Variants in FAM227B observed in about 807,000 individuals in gnomAD.
FAM227B encodes the protein family with sequence similarity 227 member B, also known as protein FAM227B.
In FAM227B, 88 loss-of-function variants were observed where a neutral mutation model predicts 73.8. The ratio of observed to expected loss-of-function variants is 1.19; its 90% CI spans 1.00 to 1.42. The LOEUF (loss-of-function observed/expected upper bound fraction) is 1.42, where lower values mean the gene tolerates loss of function less well. FAM227B is among the 40% of genes most tolerant of loss of function. The probability of loss-of-function intolerance (pLI) is 0.00; values close to 1 mark genes in which losing one functional copy is unlikely to be tolerated. For missense variants in FAM227B, 632 were observed against 590.9 expected (o/e 1.07, Z -0.72); for synonymous variants, 210 against 190.5 (o/e 1.10, Z -0.84).
intron 13 of FAM227B, among the ~76,000 whole-genome samples, chr15:49,350,686 G>A (rs1321527288): frequency 5.9e-5 from 9 of 152,102 alleles, no homozygotes; most frequent in Non-Finnish European, 1.2e-4. Context: ...TCTAATTTTT[G>A]ACCTTGGTGG....
At chr15:49,598,071 T>C (rs1017239765) in intron 3 of FAM227B, among the ~76,000 whole-genome samples, 1 of 152,008 alleles carries the variant, frequency 6.6e-6, no homozygotes, top group Non-Finnish European at 1.5e-5. Context: ...CCAATTCTAC[T>C]GAAACTATTC....
At chr15:49,410,191 C>T (rs1437871787) in intron 11 of FAM227B, among the ~76,000 whole-genome samples, 1 of 152,082 alleles carries the variant, frequency 6.6e-6, no homozygotes, top group East Asian at 1.9e-4. Flanking sequence ...GAAATTTGTC[C>T]TCTATTATTC....
chr15:49,413,423 C>T (rs1482805138), intron 11 of FAM227B, among the ~76,000 whole-genome samples: 2 of 152,064 alleles, frequency 1.3e-5, no homozygotes, highest in Non-Finnish European at 2.9e-5. Context: ...GTCGATTAAA[C>T]GTCTTTCTTT....
intron 11 of FAM227B, among the ~76,000 whole-genome samples, chr15:49,469,835 A>G (rs1597395992): frequency 6.6e-6 from 1 of 152,210 alleles, no homozygotes; most frequent in East Asian, 1.9e-4. Flanking sequence ...TTATCTTTCA[A>G]TTTTTTACGA....
chr15:49,581,513 T>C (rs527432847), intron 5 of FAM227B, among the ~76,000 whole-genome samples: 7 of 152,220 alleles, frequency 4.6e-5, no homozygotes, highest in South Asian at 2.1e-4. Context: ...AGATGGGGTT[T>C]CACCATGTTG....
At chr15:49,474,169 A>G (rs775870635) in intron 11 of FAM227B, among the ~76,000 whole-genome samples, 7 of 152,194 alleles carry the variant, frequency 4.6e-5, no homozygotes, top group Non-Finnish European at 8.8e-5. Flanking sequence ...AAGGAAAATA[A>G]TGAACACTAT....
chr15:49,492,280 A>C (rs961893365), intron 11 of FAM227B, among the ~76,000 whole-genome samples: 2 of 151,946 alleles, frequency 1.3e-5, no homozygotes, highest in African/African-American at 4.8e-5. Context: ...GCAAGAGATC[A>C]AAACTTTTTG....
chr15:49,577,789 G>C, intron 5 of FAM227B, 125 bp from the exon 6 acceptor site: 1 of 512,408 alleles, frequency 2.0e-6, no homozygotes, highest in South Asian at 3.9e-5. Flanking sequence ...TCCTACAGAG[G>C]CCTAAAATAC....
chr15:49,415,478 T>G (rs2049149016), intron 11 of FAM227B, among the ~76,000 whole-genome samples: 1 of 152,080 alleles, frequency 6.6e-6, no homozygotes, highest in Admixed American at 6.6e-5. Flanking sequence ...CAATCTAGAA[T>G]GAATTACATA....
chr15:49,366,607 C>CT, intron 13 of FAM227B: 1 of 1,599,712 alleles, frequency 6.3e-7, no homozygotes, highest in South Asian at 1.1e-5. Flanking sequence ...AGATTGCTTC[C>CT]TGAGCGGCTG....
intron 15 of FAM227B, chr15:49,330,573 G>A (rs1398885112): frequency 3.3e-5 from 5 of 152,094 alleles, no homozygotes; most frequent in Admixed American, 6.5e-5. Flanking sequence ...TATCCAGTGC[G>A]CTACAGTTTC....
In FAM227B at chr15:49,479,922, A is replaced by T. The variant is rs557689630; in HGVS notation, c.1012+28289T>A. On this transcript the variant is annotated intron_variant, in intron 11 of 15. Transcript: ENST00000299338. ...AGCCACTGCGCTCCGCCCATAGTTA[A>T]CACTTCTATAAATATTTGTGCATAT... 8.8e-4 allele frequency among the ~76,000 whole-genome samples: 134 copies of T among 152,146 alleles called. 5 individuals are homozygous for T. The South Asian group carries it at 0.027, about 30-fold the overall frequency.
intron 3 of FAM227B, among the ~76,000 whole-genome samples, chr15:49,610,953 A>T (rs2077870613): frequency 6.6e-6 from 1 of 152,200 alleles, no homozygotes; most frequent in Non-Finnish European, 1.5e-5. Flanking sequence ...TAAGACAAAA[A>T]TCTTACAATA....
intron 8 of FAM227B, among the ~76,000 whole-genome samples, chr15:49,572,905 T>C (rs1174603988): frequency 6.6e-6 from 1 of 151,624 alleles, no homozygotes; most frequent in Non-Finnish European, 1.5e-5. Context: ...ATTGAGTTTC[T>C]TTATTTTCTC....
At chr15:49,350,862 A>C (rs2042139912) in intron 13 of FAM227B, among the ~76,000 whole-genome samples, 1 of 152,220 alleles carries the variant, frequency 6.6e-6, no homozygotes, top group African/African-American at 2.4e-5. Context: ...GGGAGTGAAT[A>C]AGTACAAAGG....
chr15:49,423,991 C>T, intron 11 of FAM227B: 1 of 258,940 alleles, frequency 3.9e-6, no homozygotes, highest in Non-Finnish European at 7.3e-6. Context: ...TTATCTTCCT[C>T]TCTCCTCCCC....
intron 11 of FAM227B, among the ~76,000 whole-genome samples, chr15:49,426,224 A>G (rs1398282583): frequency 6.6e-6 from 1 of 151,852 alleles, no homozygotes; most frequent in East Asian, 1.9e-4. Flanking sequence ...TTTCCATGAT[A>G]CTTTCCAGTT....
At chr15:49,388,167 T>C (rs543282125) in intron 11 of FAM227B, among the ~76,000 whole-genome samples, 1 of 151,796 alleles carries the variant, frequency 6.6e-6, no homozygotes, top group South Asian at 2.1e-4. Flanking sequence ...AGAGCCCAAA[T>C]AGCCATAGAA....
At chr15:49,413,267 G>A (rs1368691134) in intron 11 of FAM227B, among the ~76,000 whole-genome samples, 2 of 151,932 alleles carry the variant, frequency 1.3e-5, no homozygotes, top group East Asian at 1.9e-4. Context: ...TAAGTCTTAC[G>A]AGATCTGATG....
Sources: gnomAD v4.1 joint callset for allele counts (sites outside exome capture counted in the v4.1 genomes callset) on GRCh38, gnomAD v4.1.1 for gene constraint, MANE v1.5 for transcripts, NCBI Gene and HGNC (gene_info 2026-07-23, HGNC 2026-07-21) for gene names.